Variants in CDH12 observed in about 807,000 individuals in gnomAD.
CDH12 encodes cadherin-12.
Under a neutral mutation model 74.1 loss-of-function variants are expected in CDH12, and 41 were observed. The ratio of observed to expected loss-of-function variants is 0.55; its 90% CI spans 0.43 to 0.72. The LOEUF (loss-of-function observed/expected upper bound fraction) is 0.72. CDH12 is among the 30% of genes least tolerant of loss of function. The probability of loss-of-function intolerance (pLI) is 0.00; values close to 1 mark genes in which losing one functional copy is unlikely to be tolerated. For missense variants in CDH12, 945 were observed against 977.2 expected (o/e 0.97, Z 0.44); for synonymous variants, 399 against 355.0 (o/e 1.12, Z -1.39).
chr5:22,124,745 G>A (rs1215775588), intron 4 of CDH12, among the ~76,000 whole-genome samples: 1 of 152,190 alleles, frequency 6.6e-6, no homozygotes, highest in African/African-American at 2.4e-5. Flanking sequence ...TCACATGGGT[G>A]AGGATCTTTG....
At chr5:22,744,480 T>C (rs1409982036) in intron 1 of CDH12, among the ~76,000 whole-genome samples, 1 of 152,186 alleles carries the variant, frequency 6.6e-6, no homozygotes, top group Non-Finnish European at 1.5e-5. Context: ...TGCGTAAATG[T>C]GAATTGTTTA....
chr5:22,813,931 C>G (rs1019756318), intron 1 of CDH12, among the ~76,000 whole-genome samples: 1 of 152,150 alleles, frequency 6.6e-6, no homozygotes, highest in Non-Finnish European at 1.5e-5. Flanking sequence ...CCCACAGAAA[C>G]TGTGAGGCAA....
intron 14 of CDH12, among the ~76,000 whole-genome samples, chr5:21,754,395 T>C (rs1324632937): frequency 1.3e-5 from 2 of 152,200 alleles, no homozygotes; most frequent in Non-Finnish European, 2.9e-5. Flanking sequence ...AATGATCTTG[T>C]TAAATTTCAG....
chr5:22,628,220 G>A (rs891929026), intron 1 of CDH12, among the ~76,000 whole-genome samples: 1 of 151,904 alleles, frequency 6.6e-6, no homozygotes, highest in African/African-American at 2.4e-5. Flanking sequence ...AGATATTCAG[G>A]ACTCAAACTC....
At chr5:21,971,714 T>C (rs545121825) in intron 6 of CDH12, among the ~76,000 whole-genome samples, 1 of 152,266 alleles carries the variant, frequency 6.6e-6, no homozygotes, top group Admixed American at 6.5e-5. Context: ...CTATAATTTA[T>C]TGTTGCTCTA....
chr5:21,840,183 A>G (rs1038692818), intron 8 of CDH12, among the ~76,000 whole-genome samples: 16 of 152,196 alleles, frequency 1.1e-4, no homozygotes, highest in Non-Finnish European at 1.9e-4. Flanking sequence ...TAATTATATG[A>G]CATAGCATCT....
intron 1 of CDH12, among the ~76,000 whole-genome samples, chr5:22,799,413 T>A (rs937920329): frequency 1.2e-4 from 19 of 152,312 alleles, no homozygotes; most frequent in Admixed American, 2.6e-4. Context: ...CTACATAATT[T>A]GTAATTTCTA....
rs376553110 is a variant in CDH12 at position 21,751,954 on chromosome 5, T to G, written c.2168A>C (p.Glu723Ala). 6.2e-6 allele frequency: 10 copies of G among 1,614,122 alleles called. No individual in the cohort carries two copies. In the African/African-American group the frequency reaches 8.0e-5, roughly 13 times the overall value. The change falls in exon 15 of 15, where the codon GAA becomes GCA. Residue 723 changes from glutamate to alanine, a missense_variant. Around this residue, in one of 3 missense-constraint regions of CDH12, gnomAD observed 791 missense variants for 792.8 expected, o/e 1.00. Coordinates refer to ENST00000382254, the MANE Select transcript of CDH12 (RefSeq NM_004061.5). The part of the protein sequence containing the change: ...IRDFIHQRLQ[E>A]NDVDPTAPPY... ...TGGGGCAGTTGGATCCACATCATTT[T>G]CCTGTAGCCTTTGATGAATGAAATC...
At chr5:22,542,794 C>T (rs16896689) in intron 1 of CDH12, among the ~76,000 whole-genome samples, 24,706 of 152,036 alleles carry the variant, frequency 0.16, 2,584 homozygotes, top group East Asian at 0.37. Context: ...ATGCCTATGA[C>T]ACAGATTACA....
intron 1 of CDH12, among the ~76,000 whole-genome samples, chr5:22,740,637 T>C (rs1292448427): frequency 1.3e-5 from 2 of 152,098 alleles, no homozygotes; most frequent in Non-Finnish European, 2.9e-5. Context: ...TACAACTTAT[T>C]CTAAATGAGG....
chr5:22,389,863 T>C lies in CDH12; in HGVS notation c.-333+15394A>G, dbSNP rs560716805. 3.9e-5 allele frequency among the ~76,000 whole-genome samples: 6 copies of C among 152,148 alleles called. No homozygotes were observed. The East Asian group carries it at 1.2e-3, about 30-fold the overall frequency. On this transcript the variant is annotated intron_variant, in intron 3 of 14. Transcript: ENST00000382254. ...GGGGGTTTCACTGTGTTAGCCAGGA[T>C]GGTCTCGATCTCCTGACCTCGTGAT...
chr5:21,887,112 T>A (rs569881154), intron 6 of CDH12, among the ~76,000 whole-genome samples: 1 of 152,276 alleles, frequency 6.6e-6, no homozygotes, highest in South Asian at 2.1e-4. Flanking sequence ...ATTAAATTCT[T>A]TATTATTTCT....
chr5:22,022,616 T>A (rs1738062418), intron 5 of CDH12, among the ~76,000 whole-genome samples: 1 of 152,198 alleles, frequency 6.6e-6, no homozygotes, highest in Admixed American at 6.6e-5. Flanking sequence ...TATCTTACAT[T>A]TTGAAGTAAT....
chr5:22,302,132 A>G (rs1737911352), intron 3 of CDH12, among the ~76,000 whole-genome samples: 1 of 152,214 alleles, frequency 6.6e-6, no homozygotes, highest in African/African-American at 2.4e-5. Flanking sequence ...CAATTTATAA[A>G]AAGAAAACTC....
At chr5:22,785,090 G>A (rs1054364211) in intron 1 of CDH12, among the ~76,000 whole-genome samples, 3 of 151,964 alleles carry the variant, frequency 2.0e-5, no homozygotes, top group Non-Finnish European at 4.4e-5. Context: ...TTCTTCTGAC[G>A]GACACATCTC....
At chr5:21,753,601 T>C (rs1378167900) in intron 14 of CDH12, among the ~76,000 whole-genome samples, 4 of 151,920 alleles carry the variant, frequency 2.6e-5, no homozygotes, top group Non-Finnish European at 4.4e-5. Context: ...GAGAACAAGC[T>C]AGGGGACCTA....
intron 1 of CDH12, among the ~76,000 whole-genome samples, chr5:22,567,519 ATTTG>A (rs1739344305): frequency 6.6e-6 from 1 of 152,130 alleles, no homozygotes; most frequent in Non-Finnish European, 1.5e-5. Flanking sequence ...GTTTAGGGCA[ATTTG>A]TAACAGTATA....
chr5:22,614,416 C>A (rs1480985570), intron 1 of CDH12, among the ~76,000 whole-genome samples: 1 of 38,628 alleles, frequency 2.6e-5, no homozygotes, highest in Admixed American at 3.7e-4. Flanking sequence ...GAAATGTTTC[C>A]CTCTTTGTTG....
chr5:22,267,818 T>C (rs1736205458), intron 3 of CDH12, among the ~76,000 whole-genome samples: 2 of 152,082 alleles, frequency 1.3e-5, no homozygotes, highest in African/African-American at 4.8e-5. Flanking sequence ...CATCAAACTA[T>C]CAAGGAGGAC....
Sources: allele counts gnomAD v4.1 joint callset (sites outside exome capture counted in the v4.1 genomes callset), GRCh38; gene constraint gnomAD v4.1.1; regional missense constraint gnomAD v4.1.1; transcripts MANE v1.5; gene names NCBI Gene and HGNC (gene_info 2026-07-23, HGNC 2026-07-21).